ARB2A: variants seen among roughly 807,000 people sequenced by gnomAD.
ARB2A encodes the protein cotranscriptional regulator ARB2A.
At chr5:94,000,780 T>C in the ARB2A span, among the ~76,000 whole-genome samples, 1 of 152,132 alleles carries the variant, frequency 6.6e-6, no homozygotes, top group Non-Finnish European at 1.5e-5. Flanking sequence ...TTTGTAGTTT[T>C]GCATTTTGCA....
At chr5:93,673,991 TA>T in the ARB2A span, among the ~76,000 whole-genome samples, 5 of 152,284 alleles carry the variant, frequency 3.3e-5, no homozygotes, top group South Asian at 1.0e-3. Flanking sequence ...AATGCCAAAA[TA>T]CTCTCAGAAT....
At chr5:94,029,073 T>C in the ARB2A span, among the ~76,000 whole-genome samples, 1 of 152,116 alleles carries the variant, frequency 6.6e-6, no homozygotes, top group Non-Finnish European at 1.5e-5. Context: ...AGTGAAGCAA[T>C]ATCCGCCTCC....
chr5:94,027,429 G>A, the ARB2A span, among the ~76,000 whole-genome samples: 2 of 152,178 alleles, frequency 1.3e-5, no homozygotes, highest in Non-Finnish European at 2.9e-5. Flanking sequence ...TGAAGGATAA[G>A]TTGATCATCA....
At chr5:93,964,666 C>T in the ARB2A span, 1 of 502,604 alleles carries the variant, frequency 2.0e-6, no homozygotes, top group African/African-American at 2.0e-5. Context: ...TTAAGAGACT[C>T]CTAATTACCC....
At chr5:93,887,038 A>G in the ARB2A span, among the ~76,000 whole-genome samples, 3 of 151,780 alleles carry the variant, frequency 2.0e-5, no homozygotes, top group Non-Finnish European at 4.4e-5. Context: ...TCAGAGGACC[A>G]CCTGTTGTCT....
the ARB2A span, among the ~76,000 whole-genome samples, chr5:93,630,224 T>C: frequency 3.3e-5 from 5 of 152,108 alleles, no homozygotes; most frequent in Non-Finnish European, 7.3e-5. Flanking sequence ...CTATTGGAAA[T>C]CCTCCCAGTT....
chr5:94,055,601 T>C, the ARB2A span: 4 of 983,144 alleles, frequency 4.1e-6, no homozygotes, highest in East Asian at 2.3e-4. Context: ...ATGTCACATA[T>C]ACTGGGTTTA....
chr5:93,621,818 C>G, the ARB2A span, among the ~76,000 whole-genome samples: 1 of 151,950 alleles, frequency 6.6e-6, no homozygotes, highest in African/African-American at 2.4e-5. Context: ...TCCTGGCGGG[C>G]GACATTTTTA....
At chr5:93,810,079 C>T in the ARB2A span, among the ~76,000 whole-genome samples, 1 of 151,912 alleles carries the variant, frequency 6.6e-6, no homozygotes, top group Admixed American at 6.6e-5. Flanking sequence ...TGTTGTTTAG[C>T]CTGCCAAAGA....
chr5:93,843,771 CAGAAG>C, the ARB2A span, among the ~76,000 whole-genome samples: 2 of 151,776 alleles, frequency 1.3e-5, no homozygotes, highest in Non-Finnish European at 2.9e-5. Flanking sequence ...AGAAATCTCC[CAGAAG>C]AAGATATGAA....
At chr5:93,984,084 A>G in the ARB2A span, among the ~76,000 whole-genome samples, 23 of 152,140 alleles carry the variant, frequency 1.5e-4, no homozygotes, top group Non-Finnish European at 3.1e-4. Context: ...TTAATGCAAA[A>G]TTTCTTGATT....
the ARB2A span, among the ~76,000 whole-genome samples, chr5:93,699,009 A>G: frequency 6.6e-6 from 1 of 152,222 alleles, no homozygotes; most frequent in Non-Finnish European, 1.5e-5. Context: ...CCAACAGCAC[A>G]GTTATCAGAA....
At chr5:94,052,753 A>G in the ARB2A span, among the ~76,000 whole-genome samples, 1 of 152,228 alleles carries the variant, frequency 6.6e-6, no homozygotes, top group East Asian at 1.9e-4. Flanking sequence ...CAGACACTTT[A>G]TTCTAAATAA....
At chr5:94,048,316 G>A in the ARB2A span, among the ~76,000 whole-genome samples, 1 of 152,048 alleles carries the variant, frequency 6.6e-6, no homozygotes, top group Non-Finnish European at 1.5e-5. Context: ...GCCTCCCAAA[G>A]TGCTGGTATT....
the ARB2A span, among the ~76,000 whole-genome samples, chr5:93,897,878 A>G: frequency 6.6e-6 from 1 of 151,896 alleles, no homozygotes; most frequent in African/African-American, 2.4e-5. Flanking sequence ...TGGCTTAGGA[A>G]GGTCTCAGAG....
chr5:93,714,061 A>AT, the ARB2A span, among the ~76,000 whole-genome samples: 8 of 152,326 alleles, frequency 5.3e-5, no homozygotes, highest in African/African-American at 1.2e-4. Context: ...GGAAAAATAT[A>AT]TTTTTTTGTA....
At chr5:93,821,786 G>T in the ARB2A span, among the ~76,000 whole-genome samples, 1 of 151,730 alleles carries the variant, frequency 6.6e-6, no homozygotes, top group African/African-American at 2.4e-5. Context: ...ATTCATCAGG[G>T]TACAATGTTA....
the ARB2A span, among the ~76,000 whole-genome samples, chr5:94,019,904 A>G: frequency 6.6e-6 from 1 of 152,200 alleles, no homozygotes; most frequent in Non-Finnish European, 1.5e-5. Flanking sequence ...TCATCAAGGC[A>G]CCAGTGTAAT....
chr5:93,932,502 TTATC>T, the ARB2A span, among the ~76,000 whole-genome samples: 2 of 152,320 alleles, frequency 1.3e-5, no homozygotes, highest in African/African-American at 2.4e-5. Context: ...AGTCAGAGCT[TTATC>T]TATAAGTAGA....
Sources: allele counts gnomAD v4.1 joint callset (sites outside exome capture counted in the v4.1 genomes callset), GRCh38; gene constraint gnomAD v4.1.1; transcripts MANE v1.5; gene names NCBI Gene and HGNC (gene_info 2026-07-23, HGNC 2026-07-21).